Variants in ANKRD26 observed in about 807,000 individuals in gnomAD.
The protein encoded by ANKRD26 is ankyrin repeat domain-containing protein 26.
In ANKRD26, 141 loss-of-function variants were observed where a neutral mutation model predicts 208.7. The observed-to-expected ratio is 0.68, with a 90% CI of 0.59 to 0.78. The LOEUF is 0.78. ANKRD26 is among the 30% of genes least tolerant of loss of function. The probability of loss-of-function intolerance (pLI) is 0.00; values close to 1 mark genes in which losing one functional copy is unlikely to be tolerated. For synonymous variants in ANKRD26, 636 were observed against 660.4 expected (o/e 0.96, Z 0.57); for missense variants, 1,889 against 1,938.7 (o/e 0.97, Z 0.48).
At chr10:26,953,811 C>G in the ANKRD26 span, among the ~76,000 whole-genome samples, 2 of 152,148 alleles carry the variant, frequency 1.3e-5, no homozygotes, top group Non-Finnish European at 2.9e-5. Flanking sequence ...GTTTAATATG[C>G]CTGAAATAGC....
At chr10:26,958,597 G>C in the ANKRD26 span, among the ~76,000 whole-genome samples, 2 of 152,142 alleles carry the variant, frequency 1.3e-5, no homozygotes, top group African/African-American at 4.8e-5. Context: ...GTTTGCTGAA[G>C]ATAATGGCTT....
chr10:27,005,383 T>A lies in ANKRD26; in HGVS notation c.*207A>T, dbSNP rs1339262119. On this transcript the variant is annotated 3_prime_UTR_variant, in exon 34 of 34. Coordinates refer to ENST00000376087, the MANE Select transcript of ANKRD26 (RefSeq NM_014915.3). ...AGCTCACATTTGGGCAGTTTGAGTA[T>A]GTAAAACTCAATATTCCTGGTTTTC... The A allele has an allele frequency of 7.7e-7, 1 of 1,303,522 alleles. No individual in the cohort carries two copies. Among genetic ancestry groups the A allele is most frequent in the Non-Finnish European group, 9.8e-7 (1 of 1,024,518 alleles). 80.7% of individuals were successfully genotyped at this position (1,303,522 alleles called of 1,614,324 possible). A position where few individuals can be genotyped will look rare whatever the true frequency, so the allele number is the denominator to read the frequency against.
rs2052827072 is a variant in ANKRD26, at chr10:27,005,149, AT to A, written c.*440del. 1.0e-6 allele frequency: 1 copy of A among 986,406 alleles called. No individual in the cohort carries two copies. The highest frequency in any genetic ancestry group is 1.7e-5 in the African/African-American group (1 of 57,256). 61.1% of individuals were successfully genotyped at this position (986,406 alleles called of 1,614,324 possible). A position where few individuals can be genotyped will look rare whatever the true frequency, so the allele number is the denominator to read the frequency against. ...ACAGCTATATAAATCAGTGCTTAAA[AT>A]TAAAATTATGTAAATTTGATGGCAC... On this transcript the variant is annotated 3_prime_UTR_variant, in exon 34 of 34. Coordinates refer to ENST00000376087, the MANE Select transcript of ANKRD26 (RefSeq NM_014915.3).
Position 27,053,376 on chromosome 10 carries a change from C to T in ANKRD26, c.1579G>A (p.Glu527Lys). 6.2e-7 allele frequency: 1 copy of T among 1,610,916 alleles called. No homozygotes were observed. The highest frequency in any genetic ancestry group is 8.5e-7 in the Non-Finnish European group (1 of 1,178,406). Reference protein sequence around the residue: ...QTSKAAEHDLEVASEEEQERE... With the variant: ...QTSKAAEHDLKVASEEEQERE... The stretch of plus-strand genomic sequence containing the variant: ...TCTTGCTCTTCTTCTGATGCTACTT[C>T]TAAGTCATGTTCAGCTGAAAAAATC... The change falls in exon 16 of 34, where the codon GAA becomes AAA. Residue 527 changes from glutamate to lysine, a missense_variant. By Grantham distance (56) the Glu-to-Lys change is moderately conservative (BLOSUM62 1). Around this residue, in one of 3 missense-constraint regions of ANKRD26, gnomAD observed 1,272 missense variants for 1,273.8 expected, o/e 1.00. Coordinates refer to ENST00000376087, the MANE Select transcript of ANKRD26 (RefSeq NM_014915.3).
intron 12 of ANKRD26, chr10:27,062,311 G>A: frequency 2.8e-6 from 2 of 709,556 alleles, no homozygotes; most frequent in Non-Finnish European, 1.7e-6. Flanking sequence ...GCTTTATTCT[G>A]ATCCTGTTAT....
chr10:26,985,866 T>G (rs1012445008), intron 3 of ANKRD26, among the ~76,000 whole-genome samples: 1 of 152,160 alleles, frequency 6.6e-6, no homozygotes. Context: ...AGGTAATTTA[T>G]AGATTCAATG....
At chr10:26,961,598 C>T in the ANKRD26 span, among the ~76,000 whole-genome samples, 2 of 152,132 alleles carry the variant, frequency 1.3e-5, no homozygotes, top group Admixed American at 1.3e-4. Flanking sequence ...AATCCCAAAA[C>T]TTTGGGATGC....
At chr10:27,030,403 G>A in intron 25 of ANKRD26, 1 of 985,426 alleles carries the variant, frequency 1.0e-6, no homozygotes, top group Non-Finnish European at 1.2e-6. Context: ...ATGGCCATCA[G>A]AGCACTGGAC....
rs2053787085 is a variant in ANKRD26 at position 27,029,356 on chromosome 10, A to G, written c.3808T>C (p.Leu1270=). The G allele has an allele frequency of 1.9e-6, 3 of 1,610,688 alleles. No homozygotes were observed. The African/African-American group carries it at 4.0e-5, about 22-fold the overall frequency. The change falls in exon 26 of 34, where the codon TTG becomes CTG. Residue 1270 remains leucine, a splice_region_variant and synonymous_variant. Coordinates refer to ENST00000376087, the MANE Select transcript of ANKRD26 (RefSeq NM_014915.3). ...KKKLGQIRNQ[L]QEAQDRHTEA... ...GTATGTCGATCCTGTGCTTCTTGCA[A>G]CTAAAACAAAGAATAAAAAAAACCC...
intron 7 of ANKRD26, among the ~76,000 whole-genome samples, chr10:27,078,729 T>C (rs1378618288): frequency 6.6e-6 from 1 of 152,100 alleles, no homozygotes; most frequent in Non-Finnish European, 1.5e-5. Flanking sequence ...TGGAAAAAGA[T>C]TTTAAAATCA....
the ANKRD26 span, among the ~76,000 whole-genome samples, chr10:26,955,383 G>A: frequency 9.3e-5 from 14 of 151,256 alleles, no homozygotes; most frequent in African/African-American, 2.7e-4. Context: ...AGCCGAGATC[G>A]CACCATTGCA....
At chr10:26,980,960 A>C (rs1248533448) in intron 4 of ANKRD26, among the ~76,000 whole-genome samples, 1 of 152,158 alleles carries the variant, frequency 6.6e-6, no homozygotes, top group Non-Finnish European at 1.5e-5. Flanking sequence ...TCCTGTAAGG[A>C]GGTGAGGCAG....
At chr10:27,034,077 G>A (rs2053967240) in intron 24 of ANKRD26, among the ~76,000 whole-genome samples, 1 of 152,118 alleles carries the variant, frequency 6.6e-6, no homozygotes, top group Admixed American at 6.5e-5. Flanking sequence ...AAAATTATGA[G>A]CAAATTATTT....
At chr10:26,971,190 C>T (rs753523779), downstream of ANKRD26, among the ~76,000 whole-genome samples, 2 of 151,730 alleles carry the variant, frequency 1.3e-5, no homozygotes, top group Non-Finnish European at 2.9e-5. Context: ...TTGAGACCAA[C>T]CTGGCCATCA....
chr10:27,043,728 T>A (rs2054343221), intron 19 of ANKRD26, among the ~76,000 whole-genome samples, 161 bp from the exon 20 acceptor site: 1 of 152,238 alleles, frequency 6.6e-6, no homozygotes, highest in African/African-American at 2.4e-5. Context: ...TAGTGCTTCT[T>A]AATCACTTTT....
exon 6 of ANKRD26, among the ~76,000 whole-genome samples, chr10:26,975,685 T>C (rs532101882): frequency 6.6e-6 from 1 of 151,888 alleles, no homozygotes; most frequent in South Asian, 2.1e-4. Context: ...CTAAAAAATA[T>C]ACAAAAAATA....
intron 4 of ANKRD26, among the ~76,000 whole-genome samples, chr10:27,089,951 T>C (rs976850627): frequency 6.6e-6 from 1 of 152,236 alleles, no homozygotes; most frequent in African/African-American, 2.4e-5. Flanking sequence ...GATGCAATCA[T>C]GATAATTATT....
At chr10:27,061,816 T>C (rs950645775) in intron 12 of ANKRD26, 1 of 516,288 alleles carries the variant, frequency 1.9e-6, no homozygotes, top group African/African-American at 2.1e-5. Context: ...CCACCCACCT[T>C]GGCCTCCCAA....
Position 27,005,733 on chromosome 10 carries a change from A to T in ANKRD26, c.5000-10T>A. Reference sequence around the variant, plus strand: ...TCCAATTCAGCAGCAGCTAGAATGAAAAAGAAAGAATTATATTCCTTACCT... The same window carrying T: ...TCCAATTCAGCAGCAGCTAGAATGATAAAGAAAGAATTATATTCCTTACCT... On this transcript the variant is annotated splice_polypyrimidine_tract_variant and intron_variant, in intron 33 of 33. Coordinates refer to ENST00000376087, the MANE Select transcript of ANKRD26 (RefSeq NM_014915.3). 2.5e-6 allele frequency: 4 copies of T among 1,605,216 alleles called. No homozygotes were observed. Among genetic ancestry groups the T allele is most frequent in the Non-Finnish European group, 3.4e-6 (4 of 1,176,468 alleles).
Sources: gnomAD v4.1 joint callset for allele counts (sites outside exome capture counted in the v4.1 genomes callset) on GRCh38, gnomAD v4.1.1 for gene constraint, gnomAD v4.1.1 regional missense constraint, MANE v1.5 for transcripts, NCBI Gene and HGNC (gene_info 2026-07-23, HGNC 2026-07-21) for gene names.